Variants in RIMS2 observed in about 807,000 individuals in gnomAD.
The protein encoded by RIMS2 is regulating synaptic membrane exocytosis 2.
Under a neutral mutation model 174.4 loss-of-function variants are expected in RIMS2, and 59 were observed. That is an observed-to-expected ratio of 0.34 (90% CI 0.27 to 0.42). RIMS2 has a LOEUF of 0.42. RIMS2 is among the 10% of genes least tolerant of loss of function. The probability of loss-of-function intolerance (pLI) is 1.00; values close to 1 mark genes in which losing one functional copy is unlikely to be tolerated. For missense variants in RIMS2, 1,620 were observed against 1,666.3 expected, an observed-to-expected ratio of 0.97 and a Z score of 0.48; for synonymous variants, 606 against 572.5, an observed-to-expected ratio of 1.06 and a Z score of -0.84.
intron 3 of RIMS2, among the ~76,000 whole-genome samples, chr8:103,788,852 G>T (rs1022344243): frequency 4.6e-5 from 7 of 152,186 alleles, no homozygotes; most frequent in Non-Finnish European, 8.8e-5. Context: ...GGGCAATGGC[G>T]GGCGCCCCTC....
intron 2 of RIMS2, among the ~76,000 whole-genome samples, chr8:103,737,820 T>G (rs2097706656): frequency 6.6e-6 from 1 of 152,204 alleles, no homozygotes; most frequent in Admixed American, 6.5e-5. Context: ...ATCTTTGATA[T>G]AGTTCTCCTG....
intron 4 of RIMS2, among the ~76,000 whole-genome samples, chr8:103,888,434 T>C (rs2099220641): frequency 6.6e-6 from 1 of 151,496 alleles, no homozygotes; most frequent in Non-Finnish European, 1.5e-5. Flanking sequence ...GTATATTTAA[T>C]AATCTTTAGT....
chr8:103,880,236 G>C (rs555993126), intron 3 of RIMS2, among the ~76,000 whole-genome samples: 8 of 151,652 alleles, frequency 5.3e-5, no homozygotes, highest in African/African-American at 1.9e-4. Flanking sequence ...ATAGGAGAAG[G>C]TGATTTATAA....
At chr8:103,853,890 T>G (rs4606029) in intron 3 of RIMS2, among the ~76,000 whole-genome samples, 4,720 of 152,212 alleles carry the variant, frequency 0.031, 224 homozygotes, top group African/African-American at 0.1. Flanking sequence ...CTATATGAAT[T>G]TTAGAACAGC....
At chr8:104,084,412 TG>T (rs2097494456) in intron 19 of RIMS2, among the ~76,000 whole-genome samples, 1 of 124,788 alleles carries the variant, frequency 8.0e-6, no homozygotes, top group Non-Finnish European at 1.5e-5. Flanking sequence ...CACTCCAGCC[TG>T]GGCGACTGAG....
At chr8:103,609,965 A>G (rs2095309639) in intron 1 of RIMS2, among the ~76,000 whole-genome samples, 2 of 152,184 alleles carry the variant, frequency 1.3e-5, no homozygotes, top group Admixed American at 6.5e-5. Context: ...ATCCATGAGT[A>G]CGGAATGCCT....
chr8:103,943,026 A>T (rs2082898591), intron 14 of RIMS2, 100 bp downstream of exon 16: 1 of 849,450 alleles, frequency 1.2e-6, no homozygotes. Flanking sequence ...GAATATTAAT[A>T]GTCATTTGTT....
At chr8:103,734,460 CTT>C (rs148688078) in intron 2 of RIMS2, among the ~76,000 whole-genome samples, 504 of 133,710 alleles carry the variant, frequency 3.8e-3, no homozygotes, top group Non-Finnish European at 5.7e-3. Flanking sequence ...TTGGATGGTT[CTT>C]TTTTTTTTTT....
intron 19 of RIMS2, among the ~76,000 whole-genome samples, chr8:104,071,583 C>T (rs544180934): frequency 6.6e-5 from 10 of 152,228 alleles, no homozygotes; most frequent in African/African-American, 1.9e-4. Flanking sequence ...TACAGGCACG[C>T]GCCACCATGC....
chr8:104,244,057 G>T (rs2511587), intron 19 of RIMS2, among the ~76,000 whole-genome samples: 114,230 of 152,002 alleles, frequency 0.75, 44,128 homozygotes, highest in African/African-American at 0.93. Context: ...ATCTGCCTAT[G>T]TTTCATGTCC....
intron 19 of RIMS2, among the ~76,000 whole-genome samples, chr8:104,202,079 C>T (rs76729064): frequency 0.019 from 2,928 of 152,166 alleles, 39 homozygotes; most frequent in Middle Eastern, 0.031. Context: ...AGAATAACAT[C>T]ATTATTAAAA....
chr8:104,117,605 G>T lies in RIMS2; in HGVS notation c.3334+102990G>T, dbSNP rs565129646. ...ATCCCCCCTTCCTGGGCCTCCCAAA[G>T]TGCTGGGATTACAGGCATGACCTAC... is the stretch of plus-strand genomic sequence containing the variant. On this transcript the variant is annotated intron_variant, in intron 19 of 23. Coordinates refer to ENST00000504942, the Ensembl canonical transcript of RIMS2. Among the ~76,000 whole-genome samples, 135 of 152,168 alleles carry T rather than the reference G, an allele frequency of 8.9e-4. 4 individuals are homozygous for T. In the South Asian group the frequency reaches 0.021, roughly 23 times the overall value.
chr8:103,795,873 A>G (rs1458481028), intron 3 of RIMS2, among the ~76,000 whole-genome samples: 1 of 152,160 alleles, frequency 6.6e-6, no homozygotes, highest in Non-Finnish European at 1.5e-5. Context: ...AAGTTCTATA[A>G]TCTTACCTTG....
chr8:103,578,473 G>C (rs1426478179), intron 1 of RIMS2, among the ~76,000 whole-genome samples: 1 of 152,148 alleles, frequency 6.6e-6, no homozygotes, highest in Non-Finnish European at 1.5e-5. Flanking sequence ...GAAGGTTGCA[G>C]TGAGCCAAGA....
At chr8:103,656,863 G>T (rs186495502) in intron 1 of RIMS2, among the ~76,000 whole-genome samples, 1 of 152,244 alleles carries the variant, frequency 6.6e-6, no homozygotes, top group East Asian at 1.9e-4. Context: ...AACTTCTTGC[G>T]GTCCTAGCCT....
intron 14 of RIMS2, among the ~76,000 whole-genome samples, chr8:103,949,696 C>A (rs934670673): frequency 1.3e-5 from 2 of 151,942 alleles, no homozygotes; most frequent in Non-Finnish European, 2.9e-5. Flanking sequence ...CAAAAAAATT[C>A]TCAAATCAGT....
In RIMS2 at chr8:103,687,879, T is replaced by C. The variant is rs138341757; in HGVS notation, c.177-9207T>C. Among the ~76,000 whole-genome samples, 8 of 89,108 alleles carry C rather than the reference T, an allele frequency of 9.0e-5. No homozygotes were observed. The East Asian group carries it at 2.8e-3, about 31-fold the overall frequency. The allele number at this position is 89,108 out of a possible 152,430, so 58.5% of individuals were successfully genotyped here. A position where few individuals can be genotyped will look rare whatever the true frequency, so the allele number is the denominator to read the frequency against. ...TAGCTGAATAGTGTTCCATTGTTTA[T>C]ATATACCGCATTTTTTTTTATTGAT... On this transcript the variant is annotated intron_variant, in intron 1 of 23. Coordinates refer to ENST00000504942, the Ensembl canonical transcript of RIMS2.
intron 1 of RIMS2, among the ~76,000 whole-genome samples, chr8:103,674,198 T>G (rs1234687714): frequency 2.6e-5 from 4 of 152,226 alleles, no homozygotes; most frequent in African/African-American, 9.6e-5. Context: ...CACAACTGTT[T>G]AATCAGTCCC....
intron 2 of RIMS2, among the ~76,000 whole-genome samples, chr8:103,705,257 A>G (rs760983358): frequency 2.0e-5 from 3 of 152,082 alleles, no homozygotes; most frequent in Non-Finnish European, 2.9e-5. Context: ...TACAGTTTTC[A>G]ACATTCCTCT....
Sources: allele counts gnomAD v4.1 joint callset (sites outside exome capture counted in the v4.1 genomes callset), GRCh38; gene constraint gnomAD v4.1.1; transcripts MANE v1.5; gene names NCBI Gene and HGNC (gene_info 2026-07-23, HGNC 2026-07-21).